The following WWP2 variants were observed in gnomAD, a reference collection of about 807,000 sequenced individuals.
The protein encoded by WWP2 is NEDD4-like E3 ubiquitin-protein ligase WWP2.
A neutral mutation model predicts 121.0 loss-of-function variants in WWP2; 57 were observed. That is an observed-to-expected ratio of 0.47 (90% CI 0.38 to 0.59). WWP2 has a LOEUF of 0.59. Ranked by LOEUF, WWP2 falls within the 20% of genes least tolerant of loss-of-function variation. The pLI, the probability that WWP2 is intolerant of heterozygous loss-of-function variation, is 0.00. For synonymous variants in WWP2, 449 were observed against 441.3 expected (o/e 1.02, Z -0.22); for missense variants, 962 against 1,158.9 (o/e 0.83, Z 2.47).
chr16:69,789,323 G>A (rs1179286587), intron 2 of WWP2, among the ~76,000 whole-genome samples: 4 of 151,968 alleles, frequency 2.6e-5, no homozygotes, highest in Non-Finnish European at 4.4e-5. Context: ...TCCGCCTCCC[G>A]GGTTCAAGCA....
At chr16:69,823,739 A>AT (rs2056634328) in intron 4 of WWP2, among the ~76,000 whole-genome samples, 1 of 152,242 alleles carries the variant, frequency 6.6e-6, no homozygotes, top group Non-Finnish European at 1.5e-5. Context: ...AAGTGCTGGG[A>AT]TTACAGGCTT....
intron 6 of WWP2, among the ~76,000 whole-genome samples, chr16:69,865,744 CACTT>C (rs1488361044): frequency 6.6e-6 from 1 of 152,164 alleles, no homozygotes; most frequent in African/African-American, 2.4e-5. Context: ...TTGAGATGGA[CACTT>C]AATATTTAAA....
intron 9 of WWP2, among the ~76,000 whole-genome samples, chr16:69,912,369 T>TCACA (rs3051446): frequency 0.04 from 5,648 of 140,224 alleles, 119 homozygotes; most frequent in Non-Finnish European, 0.053. Context: ...GGAGTTAGAT[T>TCACA]CACACACACA....
At chr16:69,891,748 C>G (rs756851281) in intron 8 of WWP2, among the ~76,000 whole-genome samples, 3 of 152,180 alleles carry the variant, frequency 2.0e-5, no homozygotes, top group South Asian at 2.1e-4. Flanking sequence ...GACTCACTAC[C>G]TGGACAGTTC....
At position 69,940,006 on chromosome 16, in the gene WWP2, C is replaced by A; in HGVS notation, c.*66C>A. 7.2e-7 allele frequency: 1 copy of A among 1,387,670 alleles called. No homozygotes were observed. The highest frequency in any genetic ancestry group is 1.0e-6 in the Non-Finnish European group (1 of 1,002,012). The allele number at this position is 1,387,670 out of a possible 1,614,324, so 86.0% of individuals were successfully genotyped here. On this transcript the variant is annotated 3_prime_UTR_variant, in exon 24 of 24. Coordinates refer to ENST00000359154, the MANE Select transcript of WWP2 (RefSeq NM_001270454.2). ...CCTGAGTCCTCCCTGCCTGAGAGGC[C>A]ACTGGCCCCGCAGCCCTTGGGAGGC... is the stretch of plus-strand genomic sequence containing the variant.
intron 9 of WWP2, among the ~76,000 whole-genome samples, chr16:69,916,144 A>G (rs1327188716): frequency 6.6e-6 from 1 of 152,186 alleles, no homozygotes; most frequent in Non-Finnish European, 1.5e-5. Context: ...TTGTGTACTT[A>G]CTAAAGGATT....
intron 2 of WWP2, among the ~76,000 whole-genome samples, chr16:69,796,685 C>G (rs2151809925): frequency 6.6e-6 from 1 of 152,310 alleles, no homozygotes; most frequent in Middle Eastern, 3.4e-3. Flanking sequence ...ATGCTCTTAC[C>G]ACCAGGTGGC....
chr16:69,887,775 G>A (rs2057951313), intron 7 of WWP2, among the ~76,000 whole-genome samples: 1 of 152,146 alleles, frequency 6.6e-6, no homozygotes. Flanking sequence ...TGTAACCACA[G>A]TATGTTAGAA....
intron 10 of WWP2, among the ~76,000 whole-genome samples, chr16:69,921,895 G>A (rs929623796): frequency 6.6e-6 from 1 of 151,976 alleles, no homozygotes; most frequent in Non-Finnish European, 1.5e-5. Flanking sequence ...CCAACATGGT[G>A]AAACCCTGTC....
At chr16:69,874,780 CA>C (rs1229696388) in intron 7 of WWP2, among the ~76,000 whole-genome samples, 1 of 152,184 alleles carries the variant, frequency 6.6e-6, no homozygotes, top group African/African-American at 2.4e-5. Flanking sequence ...GAAGTTGCAT[CA>C]GCCGTGGTCA....
intron 4 of WWP2, among the ~76,000 whole-genome samples, chr16:69,814,770 G>A (rs1286954607): frequency 1.3e-5 from 2 of 152,152 alleles, no homozygotes; most frequent in Admixed American, 1.3e-4. Context: ...GAGTGTTCTG[G>A]TGGATGGGCC....
intron 11 of WWP2, among the ~76,000 whole-genome samples, chr16:69,928,678 G>T (rs2058671275): frequency 6.6e-6 from 1 of 152,194 alleles, no homozygotes; most frequent in East Asian, 1.9e-4. Flanking sequence ...GGGAGGCTGA[G>T]GCGGGAGGAT....
At chr16:69,807,290 C>G (rs999236582) in intron 4 of WWP2, among the ~76,000 whole-genome samples, 1 of 152,164 alleles carries the variant, frequency 6.6e-6, no homozygotes, top group Non-Finnish European at 1.5e-5. Flanking sequence ...CTGCCTCAGT[C>G]TCCCATACTG....
At chr16:69,908,901 C>T in intron 9 of WWP2, 51 bp downstream of exon 9, 5 of 1,612,298 alleles carry the variant, frequency 3.1e-6, no homozygotes, top group Non-Finnish European at 4.2e-6. Context: ...CACCATGAGT[C>T]ACCCAATGGC....
chr16:69,798,544 T>C, intron 2 of WWP2, 138 bp from the exon 3 acceptor site: 1 of 1,068,038 alleles, frequency 9.4e-7, no homozygotes, highest in Non-Finnish European at 1.3e-6. Context: ...CTTTAAAAAG[T>C]TTTTAGAATC....
intron 8 of WWP2, among the ~76,000 whole-genome samples, chr16:69,892,799 G>T (rs1472215717): frequency 6.6e-6 from 1 of 152,232 alleles, no homozygotes; most frequent in East Asian, 1.9e-4. Context: ...CTTCCAAAGT[G>T]CTGGGATTAC....
chr16:69,877,175 T>G (rs926497933), intron 7 of WWP2, among the ~76,000 whole-genome samples: 2 of 152,210 alleles, frequency 1.3e-5, no homozygotes, highest in Admixed American at 6.5e-5. Flanking sequence ...AGCTGTTGTT[T>G]CGTGTGGCCA....
chr16:69,870,539 G>A (rs151325725), intron 6 of WWP2, among the ~76,000 whole-genome samples: 4,198 of 152,194 alleles, frequency 0.028, 159 homozygotes, highest in African/African-American at 0.089. Context: ...GGGCTCAAGT[G>A]ATCCTCCCGC....
chr16:69,868,686 CACACACAGACAT>C (rs1484317170), intron 6 of WWP2, among the ~76,000 whole-genome samples: 3 of 129,280 alleles, frequency 2.3e-5, no homozygotes, highest in Non-Finnish European at 5.0e-5. Context: ...CACACACACA[CACACACAGACAT>C]ACACACACAG....
Sources: gnomAD v4.1 joint callset for allele counts (sites outside exome capture counted in the v4.1 genomes callset) on GRCh38, gnomAD v4.1.1 for gene constraint, MANE v1.5 for transcripts, NCBI Gene and HGNC (gene_info 2026-07-23, HGNC 2026-07-21) for gene names.